TTC8: variants seen among roughly 807,000 people sequenced by gnomAD.
TTC8 encodes tetratricopeptide repeat protein 8.
Under a neutral mutation model 72.5 loss-of-function variants are expected in TTC8, and 47 were observed. The ratio of observed to expected loss-of-function variants is 0.65; its 90% CI spans 0.51 to 0.83. The LOEUF (loss-of-function observed/expected upper bound fraction) is 0.83. Ranked by LOEUF, TTC8 falls within the 40% of genes least tolerant of loss-of-function variation. The probability of loss-of-function intolerance (pLI) is 0.00; values close to 1 mark genes in which losing one functional copy is unlikely to be tolerated. For missense variants in TTC8, 611 were observed against 623.2 expected (o/e 0.98, Z 0.21); for synonymous variants, 199 against 221.4 (o/e 0.90, Z 0.90).
At chr14:88,851,190 G>C (rs539427950) in intron 7 of TTC8, among the ~76,000 whole-genome samples, 1 of 152,234 alleles carries the variant, frequency 6.6e-6, no homozygotes, top group African/African-American at 2.4e-5. Context: ...GAGATTTTAT[G>C]GTTTGTGGGG....
chr14:88,828,610 C>G (rs1404299195), intron 1 of TTC8, among the ~76,000 whole-genome samples: 1 of 152,162 alleles, frequency 6.6e-6, no homozygotes, highest in Non-Finnish European at 1.5e-5. Flanking sequence ...TTTCCCCTCC[C>G]CATTACAAAA....
At chr14:88,831,142 A>C (rs1008729765) in intron 1 of TTC8, 5 of 227,720 alleles carry the variant, frequency 2.2e-5, no homozygotes, top group East Asian at 1.2e-4. Context: ...AAGGAAAGCG[A>C]CCCCTCGCTG....
chr14:88,861,366 T>A (rs781514525), intron 10 of TTC8, 34 bp downstream of exon 10: 1 of 1,442,636 alleles, frequency 6.9e-7, no homozygotes, highest in Non-Finnish European at 9.7e-7. Context: ...TATTTATTGA[T>A]ACACAATAGT....
intron 9 of TTC8, among the ~76,000 whole-genome samples, chr14:88,858,332 G>A (rs964970776): frequency 6.6e-6 from 1 of 152,112 alleles, no homozygotes; most frequent in African/African-American, 2.4e-5. Context: ...AAAAACACAA[G>A]TGGTGGTGAT....
intron 10 of TTC8, among the ~76,000 whole-genome samples, chr14:88,866,559 CCA>C (rs1396637849): frequency 3.3e-5 from 5 of 152,142 alleles, no homozygotes; most frequent in African/African-American, 1.2e-4. Context: ...AGTAAAATCA[CCA>C]CAGAGATGAG....
At chr14:88,833,542 G>A (rs2094736111) in intron 1 of TTC8, 151 bp from the exon 2 acceptor site, 2 of 662,272 alleles carry the variant, frequency 3.0e-6, no homozygotes, top group Admixed American at 5.1e-5. Context: ...CAACTCTTGA[G>A]AACACTTCTG....
intron 1 of TTC8, among the ~76,000 whole-genome samples, chr14:88,831,468 C>G (rs1328502841): frequency 4.6e-5 from 7 of 152,198 alleles, no homozygotes; most frequent in Non-Finnish European, 1.0e-4. Context: ...GGATTGCTGT[C>G]TAATACCACT....
Position 88,870,188 on chromosome 14 carries a change from C to T in TTC8, c.1039C>T (p.Arg347Trp), listed in dbSNP as rs769434297. 6 of 1,613,904 alleles carry T rather than the reference C, an allele frequency of 3.7e-6. No individual in the cohort carries two copies. Among genetic ancestry groups the T allele is most frequent in the Admixed American group, 1.7e-5 (1 of 59,986 alleles). Reference protein sequence around the residue: ...FYSDQPEIALRFYRRLLQMGI... With the variant: ...FYSDQPEIALWFYRRLLQMGI... ...TTCTGATCAGCCAGAAATAGCTCTC[C>T]GGTTTTACAGGTGCACTTCACATCC... Residue 347 changes from arginine to tryptophan, a missense_variant, in exon 11 of 15, where the codon CGG becomes TGG. Physicochemically the swap from Arg to Trp is moderately radical, Grantham distance 101. Coordinates refer to ENST00000380656, the MANE Select transcript of TTC8 (RefSeq NM_144596.4).
intron 1 of TTC8, among the ~76,000 whole-genome samples, chr14:88,828,340 G>A (rs2094711154): frequency 6.6e-6 from 1 of 152,188 alleles, no homozygotes; most frequent in African/African-American, 2.4e-5. Flanking sequence ...AAAGCTAACA[G>A]AAATGTGACC....
intron 8 of TTC8, among the ~76,000 whole-genome samples, chr14:88,855,750 TGGAATTTAGTGACTGTATTTCA>T (rs1376593228): frequency 1.3e-5 from 2 of 152,170 alleles, no homozygotes; most frequent in African/African-American, 4.8e-5. Context: ...TTTAAATTCA[TGGAATTTAGTGACTGTATTTCA>T]GTCACGTGTT....
At chr14:88,847,774 G>A (rs140460742) in intron 7 of TTC8, among the ~76,000 whole-genome samples, 10 of 152,130 alleles carry the variant, frequency 6.6e-5, no homozygotes, top group African/African-American at 2.4e-4. Flanking sequence ...CAATAGAAGG[G>A]GGAATTATGT....
intron 2 of TTC8, among the ~76,000 whole-genome samples, chr14:88,834,698 A>T (rs1038850731): frequency 3.4e-5 from 5 of 147,362 alleles, no homozygotes; most frequent in Non-Finnish European, 7.5e-5. Flanking sequence ...GGGCAAAACT[A>T]TTTTTTTTTT....
intron 6 of TTC8, among the ~76,000 whole-genome samples, chr14:88,843,101 T>A (rs1211233158): frequency 6.6e-6 from 1 of 152,204 alleles, no homozygotes; most frequent in African/African-American, 2.4e-5. Context: ...GTAGTACCAA[T>A]AAGAGTAAAT....
chr14:88,842,533 CAT>C (rs1351184738), intron 6 of TTC8, among the ~76,000 whole-genome samples: 1 of 152,118 alleles, frequency 6.6e-6, no homozygotes, highest in Non-Finnish European at 1.5e-5. Context: ...GAAAGCAACT[CAT>C]GTGGAATATC....
At chr14:88,846,343 AAAG>A (rs2094806448) in intron 7 of TTC8, among the ~76,000 whole-genome samples, 1 of 152,116 alleles carries the variant, frequency 6.6e-6, no homozygotes, top group African/African-American at 2.4e-5. Flanking sequence ...AAAGAAAAGA[AAAG>A]AAAACATTCT....
chr14:88,826,651 C>T (rs903992485), intron 1 of TTC8, among the ~76,000 whole-genome samples: 7 of 152,038 alleles, frequency 4.6e-5, no homozygotes, highest in Non-Finnish European at 7.4e-5. Flanking sequence ...TTGCAGTGAG[C>T]GGAGATCGCA....
At chr14:88,874,785 T>C (rs907860044) in intron 13 of TTC8, among the ~76,000 whole-genome samples, 5 of 152,184 alleles carry the variant, frequency 3.3e-5, no homozygotes, top group Non-Finnish European at 7.4e-5. Context: ...TTCAGTTCTC[T>C]TATTTTCTGT....
chr14:88,830,224 C>G (rs773849128), intron 1 of TTC8, among the ~76,000 whole-genome samples: 8 of 152,114 alleles, frequency 5.3e-5, no homozygotes, highest in African/African-American at 7.2e-5. Context: ...GTAACAGAAA[C>G]AAGCTAAGAA....
chr14:88,824,523 G>C, upstream of TTC8: 2 of 594,070 alleles, frequency 3.4e-6, no homozygotes, highest in East Asian at 5.6e-5. Flanking sequence ...GTTTAGGCAA[G>C]CCCTGTAGCC....
Sources: allele counts gnomAD v4.1 joint callset (sites outside exome capture counted in the v4.1 genomes callset), GRCh38; gene constraint gnomAD v4.1.1; transcripts MANE v1.5; gene names NCBI Gene and HGNC (gene_info 2026-07-23, HGNC 2026-07-21).